The following ANKRD39 variants were observed in gnomAD, a reference collection of about 807,000 sequenced individuals.
ANKRD39 encodes the protein ankyrin repeat domain-containing protein 39.
Under a neutral mutation model 20.3 loss-of-function variants are expected in ANKRD39, and 18 were observed. The observed-to-expected ratio is 0.89, with a 90% confidence interval of 0.61 to 1.32. The LOEUF (loss-of-function observed/expected upper bound fraction) is 1.32, where lower values mean the gene tolerates loss of function less well. ANKRD39 is among the 40% of genes most tolerant of loss of function. The pLI is 0.00. For synonymous variants in ANKRD39, 106 were observed against 111.9 expected, an observed-to-expected ratio of 0.95 and a Z score of 0.33; for missense variants, 243 against 250.7, an observed-to-expected ratio of 0.97 and a Z score of 0.21.
intron 2 of ANKRD39, 99 bp downstream of exon 2, chr2:96,854,239 G>T: frequency 8.3e-7 from 1 of 1,205,834 alleles, no homozygotes. Flanking sequence ...GAAAGGGAGG[G>T]AGGAGGTAAA....
Position 96,848,383 on chromosome 2 carries a change from T to C in ANKRD39, c.470A>G (p.Lys157Arg), listed in dbSNP as rs1488913919. 3 of 1,614,174 alleles carry C rather than the reference T, an allele frequency of 1.9e-6. No individual in the cohort carries two copies. The Admixed American group carries it at 5.0e-5, about 27-fold the overall frequency. The change falls in exon 4 of 4, where the codon AAG (lysine) becomes AGG (arginine). Residue 157 changes from lysine (K) to arginine (R), a missense_variant. Lys to Arg is a conservative substitution (Grantham distance 26). Coordinates refer to ENST00000393537, the MANE Select transcript of ANKRD39 (RefSeq NM_016466.6). ...SLLLQHSPAL[K>R]AIRDRKARLA... Reference sequence around the variant, plus strand: ...CCGTGCCTTTCGGTCCCGGATGGCCTTCAGGGCTGGGCTGTGTTGCAGGAG... The same window carrying C: ...CCGTGCCTTTCGGTCCCGGATGGCCCTCAGGGCTGGGCTGTGTTGCAGGAG...
intron 3 of ANKRD39, among the ~76,000 whole-genome samples, chr2:96,852,995 C>A (rs1297277647): frequency 6.6e-6 from 1 of 152,184 alleles, no homozygotes; most frequent in Non-Finnish European, 1.5e-5. Context: ...GGGAAACTCG[C>A]TTTCATGGCA....
intron 1 of ANKRD39, among the ~76,000 whole-genome samples, chr2:96,856,466 C>T (rs966519571): frequency 2.5e-5 from 3 of 117,860 alleles, no homozygotes; most frequent in African/African-American, 1.1e-4. Context: ...GAGACTCCAT[C>T]TCAAAAAAAA....
chr2:96,848,553 G>T, intron 3 of ANKRD39, 109 bp from the exon 4 acceptor site: 1 of 1,425,672 alleles, frequency 7.0e-7, no homozygotes, highest in Non-Finnish European at 9.5e-7. Flanking sequence ...CTCTCTGGGC[G>T]CAGTGGCTCA....
At chr2:96,854,284 T>G in intron 2 of ANKRD39, 54 bp downstream of exon 2, 1 of 1,542,580 alleles carries the variant, frequency 6.5e-7, no homozygotes, top group Non-Finnish European at 8.9e-7. Context: ...AGAGAGCAGG[T>G]GTCTCCTGAG....
rs762618391 is a variant in ANKRD39 at position 96,853,443 on chromosome 2, G to GT, written c.365dup (p.Asn122LysfsTer7). Reference sequence around the variant, plus strand: ...TGCCGTCGTCATCCACCACCCTGGGGTTGGACCCATGTGATAGCAGGAGCC... The same window carrying GT: ...TGCCGTCGTCATCCACCACCCTGGGGTTTGGACCCATGTGATAGCAGGAGCC... On this transcript the variant is annotated frameshift_variant, in exon 3 of 4. Transcript: ENST00000393537. LOFTEE classifies it high-confidence loss of function. 1.3e-6 allele frequency: 2 copies of GT among 1,593,518 alleles called. No individual in the cohort carries two copies. The highest frequency in any genetic ancestry group is 2.7e-5 in the African/African-American group (2 of 74,314).
At chr2:96,850,584 G>A (rs2079831872) in intron 3 of ANKRD39, among the ~76,000 whole-genome samples, 1 of 151,878 alleles carries the variant, frequency 6.6e-6, no homozygotes, top group Non-Finnish European at 1.5e-5. Context: ...AGAATCGTCT[G>A]AACCCAGGAG....
At chr2:96,852,262 G>T (rs917972628) in intron 3 of ANKRD39, among the ~76,000 whole-genome samples, 2 of 151,256 alleles carry the variant, frequency 1.3e-5, no homozygotes, top group African/African-American at 4.9e-5. Flanking sequence ...GTGCAGGCAT[G>T]TATAGTCCCA....
At chr2:96,850,677 A>G (rs2079832362) in intron 3 of ANKRD39, among the ~76,000 whole-genome samples, 2 of 151,734 alleles carry the variant, frequency 1.3e-5, no homozygotes, top group Non-Finnish European at 2.9e-5. Context: ...AAAACAAAAC[A>G]AAACAAAAAA....
At position 96,857,849 on chromosome 2, in the gene ANKRD39, G is replaced by A. The variant is rs566860299; in HGVS notation, c.100+39C>T. 42 of 1,536,388 alleles carry A rather than the reference G, an allele frequency of 2.7e-5. No individual in the cohort carries two copies. In the East Asian group the frequency reaches 8.7e-4, roughly 32 times the overall value. The stretch of plus-strand genomic sequence containing the variant: ...GCCCCACGCCTCCTCCTTGGGCCGG[G>A]GCCTGGTGAGAACCACGAGGGCCGC... On this transcript the variant is annotated intron_variant, in intron 1 of 3. Coordinates refer to ENST00000393537, the MANE Select transcript of ANKRD39 (RefSeq NM_016466.6).
At chr2:96,853,285 C>A in intron 3 of ANKRD39, 116 bp downstream of exon 3, 1 of 1,271,006 alleles carries the variant, frequency 7.9e-7, no homozygotes, top group South Asian at 1.4e-5. Flanking sequence ...AAGGGAATTA[C>A]AAATGATTTT....
intron 3 of ANKRD39, among the ~76,000 whole-genome samples, 174 bp downstream of exon 3, chr2:96,853,227 A>G (rs1284117995): frequency 6.6e-6 from 1 of 152,236 alleles, no homozygotes; most frequent in African/African-American, 2.4e-5. Context: ...ACGCTCAGAA[A>G]AAAGGCTGGA....
intron 1 of ANKRD39, among the ~76,000 whole-genome samples, chr2:96,857,404 C>T (rs1397895787): frequency 2.0e-5 from 3 of 152,230 alleles, no homozygotes; most frequent in Non-Finnish European, 4.4e-5. Context: ...CTGTGCCCTG[C>T]CTCGAAGGCT....
Position 96,850,526 on chromosome 2 carries a change from G to A in ANKRD39, c.409-2082C>T, listed in dbSNP as rs760511451. Among the ~76,000 whole-genome samples the A allele has an allele frequency of 5.9e-5, 9 of 152,108 alleles. No individual in the cohort carries two copies. In the South Asian group the frequency reaches 1.0e-3, roughly 18 times the overall value. ...TAAAAATACAAAAAATTAGCCAGGC[G>A]TGGTGGTGCGTGCCTGTAATCCCAG... On this transcript the variant is annotated intron_variant, in intron 3 of 3. Coordinates refer to ENST00000393537, the MANE Select transcript of ANKRD39 (RefSeq NM_016466.6).
At position 96,853,609 on chromosome 2, in the gene ANKRD39, A is replaced by C. The variant is rs1435776037; in HGVS notation, c.205-5T>G. ...CCCATTGCGGCTGGCATAGTGCTGC[A>C]GGGAACAGAGACCGAGGTCAGATGG... On this transcript the variant is annotated splice_region_variant and splice_polypyrimidine_tract_variant and intron_variant, in intron 2 of 3. Transcript: ENST00000393537. 1 of 1,611,386 alleles carries C rather than the reference A, an allele frequency of 6.2e-7. No individual in the cohort carries two copies. Among genetic ancestry groups the C allele is most frequent in the South Asian group, 1.1e-5 (1 of 90,842 alleles).
At chr2:96,857,396 G>A (rs1035113891) in intron 1 of ANKRD39, among the ~76,000 whole-genome samples, 1 of 152,206 alleles carries the variant, frequency 6.6e-6, no homozygotes, top group African/African-American at 2.4e-5. Flanking sequence ...ATGAGATACT[G>A]TGCCCTGCCT....
chr2:96,848,034 G>A lies in ANKRD39; in HGVS notation c.*267C>T. 3.1e-6 allele frequency: 1 copy of A among 318,696 alleles called. No individual in the cohort carries two copies. The highest frequency in any genetic ancestry group is 5.8e-6 in the Non-Finnish European group (1 of 173,708). 19.7% of individuals were successfully genotyped at this position (318,696 alleles called of 1,614,324 possible). ...TTAATCTTGCAATTTATCTTTGGGT[G>A]TGGGATGAGGTAAGGATATAACTTT... On this transcript the variant is annotated 3_prime_UTR_variant, in exon 4 of 4. Coordinates refer to ENST00000393537, the MANE Select transcript of ANKRD39 (RefSeq NM_016466.6).
In ANKRD39 at chr2:96,854,352, C is replaced by G. The variant is rs566177154; in HGVS notation, c.190G>C (p.Gly64Arg). 17 of 1,613,912 alleles carry G rather than the reference C, an allele frequency of 1.1e-5. No individual in the cohort carries two copies. The Admixed American group carries it at 2.0e-4, about 19-fold the overall frequency. The change falls in exon 2 of 4, where the codon GGC (glycine) becomes CGC (arginine). Residue 64 changes from glycine to arginine, a missense_variant. Physicochemically the swap from Gly to Arg is moderately radical, Grantham distance 125 (BLOSUM62 -2). Transcript: ENST00000393537. ...AEDPSQPDSA[G>R]YTALHYASRN... Reference sequence around the variant, plus strand: ...CCCTAGCTCACCAGCGCAGTGTAGCCGGCCGAGTCGGGCTGACTTGGGTCC... The same window carrying G: ...CCCTAGCTCACCAGCGCAGTGTAGCGGGCCGAGTCGGGCTGACTTGGGTCC...
intron 3 of ANKRD39, among the ~76,000 whole-genome samples, chr2:96,851,433 G>T (rs959599659): frequency 4.6e-5 from 7 of 152,176 alleles, no homozygotes; most frequent in African/African-American, 1.7e-4. Context: ...TGGGGTTACA[G>T]GCATGAGCCA....
Sources: gnomAD v4.1 joint callset for allele counts (sites outside exome capture counted in the v4.1 genomes callset) on GRCh38, gnomAD v4.1.1 for gene constraint, MANE v1.5 for transcripts, NCBI Gene and HGNC (gene_info 2026-07-23, HGNC 2026-07-21) for gene names.